The following ZNF710 variants were observed in gnomAD, a reference collection of about 807,000 sequenced individuals.
ZNF710 encodes zinc finger protein 710.
Under a neutral mutation model 50.6 loss-of-function variants are expected in ZNF710, and 13 were observed. The ratio of observed to expected loss-of-function variants is 0.26; its 90% CI spans 0.17 to 0.41. ZNF710 has a LOEUF of 0.41. Ranked by LOEUF, ZNF710 falls within the 10% of genes least tolerant of loss-of-function variation. The pLI, the probability that ZNF710 is intolerant of heterozygous loss-of-function variation, is 1.00. For missense variants in ZNF710, 721 were observed against 936.6 expected (o/e 0.77, Z 3.01); for synonymous variants, 383 against 397.0 (o/e 0.96, Z 0.42).
chr15:90,016,984 C>T (rs1421200583), intron 1 of ZNF710, among the ~76,000 whole-genome samples: 1 of 152,238 alleles, frequency 6.6e-6, no homozygotes, highest in Non-Finnish European at 1.5e-5. Context: ...ATCAGAATGT[C>T]TGAACCTTAG....
rs1349219768 is a variant in ZNF710 at position 90,059,395 on chromosome 15, C to T, written c.-28-7715C>T. ...TGCATTCTAGCCCTTGCTCCCCCAC[C>T]GTCTCACTGTGTGACCTTGGACCAT... On this transcript the variant is annotated intron_variant, in intron 1 of 4. Coordinates refer to ENST00000268154, the MANE Select transcript of ZNF710 (RefSeq NM_198526.4). This position sits in a 1 kb window ranked among gnomAD's most constrained non-coding sequence, Gnocchi z 4.1. Among the ~76,000 whole-genome samples, 3 of 152,244 alleles carry T rather than the reference C, an allele frequency of 2.0e-5. No homozygotes were observed. Among genetic ancestry groups the T allele is most frequent in the South Asian group, 2.1e-4 (1 of 4,834 alleles).
chr15:90,020,358 G>A (rs1898577749), intron 1 of ZNF710, among the ~76,000 whole-genome samples: 1 of 152,092 alleles, frequency 6.6e-6, no homozygotes, highest in Admixed American at 6.6e-5. Flanking sequence ...CTCCAGCTCT[G>A]CTACCAACGC....
chr15:90,046,028 G>A (rs1388866528), intron 1 of ZNF710, among the ~76,000 whole-genome samples: 1 of 152,076 alleles, frequency 6.6e-6, no homozygotes, highest in Non-Finnish European at 1.5e-5. Context: ...AAAGCTTGTG[G>A]GGCTCCCGTC....
At chr15:90,021,944 G>A (rs909524083) in intron 1 of ZNF710, among the ~76,000 whole-genome samples, 1 of 152,196 alleles carries the variant, frequency 6.6e-6, no homozygotes, top group East Asian at 1.9e-4. Flanking sequence ...AGCCGGGCAT[G>A]GTGGCGCATG....
At chr15:90,014,231 C>T (rs1007471589) in intron 1 of ZNF710, among the ~76,000 whole-genome samples, 11 of 152,126 alleles carry the variant, frequency 7.2e-5, no homozygotes, top group South Asian at 4.2e-4. Flanking sequence ...AGCTGTGTGG[C>T]TGTCAGTCAC....
In ZNF710 at chr15:90,041,117, A is replaced by G. The variant is rs78760910; in HGVS notation, c.-28-25993A>G. On this transcript the variant is annotated intron_variant, in intron 1 of 4. Coordinates refer to ENST00000268154, the MANE Select transcript of ZNF710 (RefSeq NM_198526.4). ...GAAAACATCTATTGGATGTTTATCT[A>G]TTGGTTCACTGATCAATTCTGTTTT... Among the ~76,000 whole-genome samples the G allele has an allele frequency of 2.0e-4, 30 of 151,708 alleles. 1 individual carries two copies. In the East Asian group the frequency reaches 5.2e-3, roughly 26 times the overall value.
At chr15:90,079,234 C>G (rs1900663957) in intron 4 of ZNF710, among the ~76,000 whole-genome samples, 1 of 152,210 alleles carries the variant, frequency 6.6e-6, no homozygotes, top group Non-Finnish European at 1.5e-5. Flanking sequence ...GAGGCGAGGC[C>G]TGCGAAGTGG....
rs534651138 is a variant in ZNF710 at position 90,036,351 on chromosome 15, G to A, written c.-28-30759G>A. On this transcript the variant is annotated intron_variant, in intron 1 of 4. Transcript: ENST00000268154. ...CTCTTCCATTCACTTGGCGCTGTTC[G>A]ATTTTAATGTTCCTTTGAATGACAC... 8.6e-5 allele frequency among the ~76,000 whole-genome samples: 13 copies of A among 151,694 alleles called. No individual in the cohort carries two copies. In the East Asian group the frequency reaches 1.4e-3, roughly 16 times the overall value.
intron 1 of ZNF710, among the ~76,000 whole-genome samples, chr15:90,014,977 C>T (rs905622558): frequency 6.6e-6 from 1 of 151,268 alleles, no homozygotes; most frequent in Admixed American, 6.6e-5. Flanking sequence ...ACCGCAGCCT[C>T]TGTCTTCCAG....
chr15:90,013,404 G>C (rs191537878), intron 1 of ZNF710, among the ~76,000 whole-genome samples: 1 of 152,158 alleles, frequency 6.6e-6, no homozygotes, highest in South Asian at 2.1e-4. Context: ...GCCTGGCCAG[G>C]TGTTGTGTGA....
rs184551457 is a variant in ZNF710 at position 90,022,374 on chromosome 15, T to G, written c.-29+20760T>G. Among the ~76,000 whole-genome samples, 61 of 151,990 alleles carry G rather than the reference T, an allele frequency of 4.0e-4. 1 individual carries two copies. The highest frequency in any genetic ancestry group is 1.4e-3 in the Admixed American group (21 of 15,280). On this transcript the variant is annotated intron_variant, in intron 1 of 4. Transcript: ENST00000268154. The stretch of plus-strand genomic sequence containing the variant: ...CTGGGGGACAGAGTGAGACTCTGTC[T>G]CAAAAAAACAAAACAAAACAAAAAG...
At chr15:90,024,551 A>T (rs903187174) in intron 1 of ZNF710, among the ~76,000 whole-genome samples, 2 of 152,230 alleles carry the variant, frequency 1.3e-5, no homozygotes, top group African/African-American at 4.8e-5. Flanking sequence ...TGTGTGGGGA[A>T]GGGAGCGCAG....
intron 1 of ZNF710, among the ~76,000 whole-genome samples, chr15:90,015,334 C>CA (rs1209425163): frequency 6.6e-6 from 1 of 152,184 alleles, no homozygotes; most frequent in African/African-American, 2.4e-5. Context: ...CAGATACTCT[C>CA]ATAGTTGTTG....
intron 1 of ZNF710, among the ~76,000 whole-genome samples, chr15:90,058,565 G>C (rs1269861948): frequency 6.6e-6 from 1 of 152,008 alleles, no homozygotes; most frequent in Non-Finnish European, 1.5e-5. Flanking sequence ...ACACTCCCGT[G>C]CTGGGCCCCC....
chr15:90,065,410 G>C (rs1382445265), intron 1 of ZNF710, among the ~76,000 whole-genome samples: 1 of 152,326 alleles, frequency 6.6e-6, no homozygotes, highest in African/African-American at 2.4e-5. Context: ...TGTTGAACCA[G>C]GGCAAGGGGT....
intron 1 of ZNF710, among the ~76,000 whole-genome samples, chr15:90,007,609 G>A (rs1274305245): frequency 2.0e-5 from 3 of 151,526 alleles, no homozygotes; most frequent in Non-Finnish European, 2.9e-5. Flanking sequence ...AGGCATAATT[G>A]TAAACACTTT....
chr15:90,048,490 AC>A, intron 1 of ZNF710, among the ~76,000 whole-genome samples: 1 of 152,272 alleles, frequency 6.6e-6, no homozygotes. Context: ...TGGGCTTCAC[AC>A]AAGAAGCTTC....
At chr15:90,012,586 A>G (rs531703560) in intron 1 of ZNF710, among the ~76,000 whole-genome samples, 3 of 151,858 alleles carry the variant, frequency 2.0e-5, no homozygotes, top group Non-Finnish European at 1.5e-5. Flanking sequence ...TTCATTTTTA[A>G]TCTTTTTTTA....
chr15:90,057,211 A>G (rs915604051), intron 1 of ZNF710, among the ~76,000 whole-genome samples: 2 of 152,016 alleles, frequency 1.3e-5, no homozygotes, highest in African/African-American at 4.8e-5. Context: ...GCCAGGCCAT[A>G]GGTCTGGGCC....
Sources: gnomAD v4.1 joint callset for allele counts (sites outside exome capture counted in the v4.1 genomes callset) on GRCh38, gnomAD v4.1.1 for gene constraint, Gnocchi (gnomAD v3.1) non-coding constraint, MANE v1.5 for transcripts, NCBI Gene and HGNC (gene_info 2026-07-23, HGNC 2026-07-21) for gene names.